The following ATG2B variants were observed in gnomAD, a reference collection of about 807,000 sequenced individuals.
ATG2B encodes autophagy-related protein 2 homolog B.
ATG2B carries 121 observed loss-of-function variants against 241.3 expected under a neutral mutation model. That is an observed-to-expected ratio of 0.50 (90% CI 0.43 to 0.58). ATG2B has a LOEUF of 0.58. Ranked by LOEUF, ATG2B falls within the 20% of genes least tolerant of loss-of-function variation. The pLI, the probability that ATG2B is intolerant of heterozygous loss-of-function variation, is 0.00. For missense variants in ATG2B, 2,306 were observed against 2,491.6 expected, an observed-to-expected ratio of 0.93 and a Z score of 1.59; for synonymous variants, 858 against 876.6, an observed-to-expected ratio of 0.98 and a Z score of 0.37.
Position 96,322,033 on chromosome 14 carries a change from G to C in ATG2B, c.2879+79C>G, listed in dbSNP as rs2139870105. The C allele has an allele frequency of 8.3e-6, 9 of 1,082,606 alleles. No individual in the cohort carries two copies. The East Asian group carries it at 2.4e-4, about 29-fold the overall frequency. The allele number at this position is 1,082,606 out of a possible 1,614,324, so 67.1% of individuals were successfully genotyped here. ...GGCATATAATATTCAGGCAAGGAAA[G>C]GAAAGGGGGAAGAGGAAAATCAGGG... On this transcript the variant is annotated intron_variant, in intron 18 of 41. Transcript: ENST00000359933.
intron 8 of ATG2B, 52 bp from the exon 9 acceptor site, chr14:96,332,707 CT>C (rs1430670987): frequency 7.0e-7 from 1 of 1,421,128 alleles, no homozygotes; most frequent in East Asian, 2.3e-5. Flanking sequence ...CAATTCAAGT[CT>C]TTTAAGTAAG....
intron 14 of ATG2B, 136 bp from the exon 15 acceptor site, chr14:96,326,058 C>A: frequency 2.5e-6 from 2 of 811,736 alleles, no homozygotes; most frequent in Non-Finnish European, 3.6e-6. Flanking sequence ...TTCAAATTAA[C>A]CACTACCATA....
rs775896292 is a variant in ATG2B, at chr14:96,292,019, G to T, written c.5496+10C>A. On this transcript the variant is annotated intron_variant, in intron 37 of 41. Coordinates refer to ENST00000359933, the MANE Select transcript of ATG2B (RefSeq NM_018036.7). ...TAATTTTGTGGAGTATATTTGTAGA[G>T]TTTCCCAACCTGATCCATTGATACA... 1.9e-6 allele frequency: 3 copies of T among 1,569,506 alleles called. No individual in the cohort carries two copies. The African/African-American group carries it at 4.1e-5, about 21-fold the overall frequency.
In ATG2B at chr14:96,283,553, G is replaced by T. The variant is rs915608938; in HGVS notation, c.*2202C>A. The T allele has an allele frequency of 5.9e-5, 9 of 152,168 alleles. No homozygotes were observed. Among genetic ancestry groups the T allele is most frequent in the Admixed American group, 5.9e-4 (9 of 15,278 alleles). The allele number at this position is 152,168 out of a possible 1,614,324, so 9.4% of individuals were successfully genotyped here. On this transcript the variant is annotated 3_prime_UTR_variant, in exon 42 of 42. Coordinates refer to ENST00000359933, the MANE Select transcript of ATG2B (RefSeq NM_018036.7). Reference sequence around the variant, plus strand: ...AAAAAACCCTCCATTTACCAGGAGGGATGCTGAGGCTTACAGGGATCAGAT... The same window carrying T: ...AAAAAACCCTCCATTTACCAGGAGGTATGCTGAGGCTTACAGGGATCAGAT...
chr14:96,353,642 T>TTA (rs142823425), intron 1 of ATG2B, among the ~76,000 whole-genome samples: 5,479 of 126,744 alleles, frequency 0.043, 137 homozygotes, highest in South Asian at 0.13. Flanking sequence ...ATTTCATATT[T>TTA]TATATATATA....
chr14:96,313,129 GAA>G lies in ATG2B; in HGVS notation c.3776_3777del (p.Leu1259ProfsTer11), dbSNP rs764573248. 1 of 1,613,546 alleles carries G rather than the reference GAA, an allele frequency of 6.2e-7. No homozygotes were observed. Among genetic ancestry groups the G allele is most frequent in the African/African-American group, 1.3e-5 (1 of 75,036 alleles). ...YRPLYLPIRS[L>X]LTVETFSVSS... is the part of the protein sequence containing the mutation. Reference sequence around the variant, plus strand: ...GAAACACTGAATGTTTCCACGGTAAGAAGAGATCGGATTGGCAAATAAAGGGG... The same window carrying G: ...GAAACACTGAATGTTTCCACGGTAAGGAGATCGGATTGGCAAATAAAGGGG... On this transcript the variant is annotated frameshift_variant, in exon 25 of 42. Transcript: ENST00000359933. LOFTEE classifies it high-confidence loss of function.
rs1887094928 is a variant in ATG2B at position 96,309,599 on chromosome 14, A to G, written c.4162-5T>C. The G allele has an allele frequency of 6.3e-7, 1 of 1,597,386 alleles. No individual in the cohort carries two copies. Among genetic ancestry groups the G allele is most frequent in the Non-Finnish European group, 8.5e-7 (1 of 1,171,860 alleles). ...TGATCGACCACTGGAATCTACCTAT[A>G]GCCAAAAAACCTAATTAAAAATAAC... is the stretch of plus-strand genomic sequence containing the variant. On this transcript the variant is annotated splice_region_variant and splice_polypyrimidine_tract_variant and intron_variant, in intron 28 of 41. Coordinates refer to ENST00000359933, the MANE Select transcript of ATG2B (RefSeq NM_018036.7).
At chr14:96,357,683 A>AT (rs1888515063) in intron 1 of ATG2B, among the ~76,000 whole-genome samples, 1 of 142,448 alleles carries the variant, frequency 7.0e-6, no homozygotes, top group Non-Finnish European at 1.6e-5. Flanking sequence ...ATTTTTTCAT[A>AT]GTTTTTTTTT....
intron 15 of ATG2B, among the ~76,000 whole-genome samples, chr14:96,325,114 T>C (rs1291961854): frequency 6.6e-6 from 1 of 152,194 alleles, no homozygotes; most frequent in Non-Finnish European, 1.5e-5. Flanking sequence ...AGTGTAATGG[T>C]TGAAAGCTCA....
chr14:96,334,003 T>C (rs1887808240), intron 7 of ATG2B, 130 bp from the exon 8 acceptor site: 1 of 752,216 alleles, frequency 1.3e-6, no homozygotes, highest in East Asian at 2.7e-5. Context: ...TGCTATTTAG[T>C]GAGTCAGAGC....
chr14:96,357,235 T>C (rs778290088), intron 1 of ATG2B, among the ~76,000 whole-genome samples: 3 of 152,148 alleles, frequency 2.0e-5, no homozygotes, highest in African/African-American at 7.2e-5. Flanking sequence ...CTGTAACACT[T>C]CACTCTCTCA....
chr14:96,332,891 CTTTT>C (rs1055851185), intron 8 of ATG2B, among the ~76,000 whole-genome samples: 4 of 151,908 alleles, frequency 2.6e-5, no homozygotes, highest in African/African-American at 9.7e-5. Context: ...AACATGTTTT[CTTTT>C]GTTTTAAATA....
At chr14:96,324,379 C>A (rs1887536745) in intron 15 of ATG2B, among the ~76,000 whole-genome samples, 1 of 152,018 alleles carries the variant, frequency 6.6e-6, no homozygotes, top group Non-Finnish European at 1.5e-5. Context: ...GTAAGAAACA[C>A]CTCTGTTCAA....
intron 5 of ATG2B, among the ~76,000 whole-genome samples, chr14:96,342,246 C>T (rs1888056233): frequency 6.6e-6 from 1 of 151,548 alleles, no homozygotes; most frequent in Non-Finnish European, 1.5e-5. Context: ...AAACCAAAAA[C>T]CCAAAATCCA....
chr14:96,315,012 C>T (rs1223917453), intron 23 of ATG2B, 142 bp downstream of exon 23: 2 of 653,350 alleles, frequency 3.1e-6, no homozygotes, highest in Admixed American at 2.6e-5. Flanking sequence ...ATTTCTTAAC[C>T]TAAAAGGTGG....
In ATG2B at chr14:96,328,393, A is replaced by G; in HGVS notation, c.2117T>C (p.Met706Thr). ...TGAAGTATACATGTGGGATGCCATC[A>G]TCTCTACTGTGGCAAGTTTCTGTGG... ...LQPQKLATVE[M>T]MASHMYTSYN... Residue 706 changes from methionine to threonine, a missense_variant, in exon 14 of 42, where the codon ATG becomes ACG. Coordinates refer to ENST00000359933, the MANE Select transcript of ATG2B (RefSeq NM_018036.7). 1 of 1,613,592 alleles carries G rather than the reference A, an allele frequency of 6.2e-7. No individual in the cohort carries two copies. The highest frequency in any genetic ancestry group is 8.5e-7 in the Non-Finnish European group (1 of 1,179,752).
At chr14:96,306,637 G>A in intron 30 of ATG2B, 77 bp downstream of exon 30, 5 of 1,254,672 alleles carry the variant, frequency 4.0e-6, no homozygotes, top group Non-Finnish European at 3.3e-6. Context: ...AAAATCAACA[G>A]AATTTTCTCC....
intron 34 of ATG2B, among the ~76,000 whole-genome samples, chr14:96,299,473 C>T (rs1373672677): frequency 6.6e-6 from 1 of 152,194 alleles, no homozygotes; most frequent in African/African-American, 2.4e-5. Context: ...TTTGTATCCC[C>T]AGCATCCTAA....
At chr14:96,295,727 C>CACACACACACACACACACA (rs148889627) in intron 34 of ATG2B, among the ~76,000 whole-genome samples, 167 bp from the exon 35 acceptor site, 1 of 145,758 alleles carries the variant, frequency 6.9e-6, no homozygotes, top group African/African-American at 2.6e-5. Flanking sequence ...CTTCCCCCCA[C>CACACACACACACACACACA]CACACACACA....
Sources: allele counts gnomAD v4.1 joint callset (sites outside exome capture counted in the v4.1 genomes callset), GRCh38; gene constraint gnomAD v4.1.1; transcripts MANE v1.5; gene names NCBI Gene and HGNC (gene_info 2026-07-23, HGNC 2026-07-21).